Variants in CACNA2D4 observed in about 807,000 individuals in gnomAD.
The protein encoded by CACNA2D4 is calcium voltage-gated channel auxiliary subunit alpha2delta 4.
In CACNA2D4, 157 loss-of-function variants were observed where a neutral mutation model predicts 163.8. That is an observed-to-expected ratio of 0.96 (90% CI 0.84 to 1.09). The LOEUF is 1.09. Ranked by LOEUF, CACNA2D4 falls within the 50% of genes least tolerant of loss-of-function variation. The pLI is 0.00. For missense variants in CACNA2D4, 1,410 were observed against 1,479.9 expected, an observed-to-expected ratio of 0.95 and a Z score of 0.78; for synonymous variants, 598 against 586.9, an observed-to-expected ratio of 1.02 and a Z score of -0.27.
At chr12:1,881,779 TCTG>T (rs1281713805) in intron 13 of CACNA2D4, among the ~76,000 whole-genome samples, 1 of 152,272 alleles carries the variant, frequency 6.6e-6, no homozygotes, top group Non-Finnish European at 1.5e-5. Flanking sequence ...TCAGATGACA[TCTG>T]CTGAGCATGG....
chr12:1,809,167 C>T (rs141039632), intron 29 of CACNA2D4, among the ~76,000 whole-genome samples: 2 of 152,328 alleles, frequency 1.3e-5, no homozygotes, highest in African/African-American at 2.4e-5. Flanking sequence ...CTCCTTCCGA[C>T]ATCCCTGCTC....
intron 6 of CACNA2D4, among the ~76,000 whole-genome samples, chr12:1,902,172 G>C (rs888436826): frequency 6.8e-6 from 1 of 147,532 alleles, no homozygotes; most frequent in African/African-American, 2.6e-5. Context: ...TTTCTTCATG[G>C]TAAAACCCCT....
rs190717324 is a variant in CACNA2D4, at chr12:1,828,188, C to T, written c.2551+12551G>A. ...CAGCAGCCCTGGGCAGAGGGGCAGG[C>T]TCGCCCTGCAGTGGAGGCAAGTCTC... is the stretch of plus-strand genomic sequence containing the variant. On this transcript the variant is annotated intron_variant, in intron 26 of 37. Transcript: ENST00000382722. The surrounding 1 kb of genome is among the most constrained non-coding windows in gnomAD (Gnocchi z 4.2). The T allele has an allele frequency of 1.3e-3, 2,071 of 1,547,182 alleles. 3 individuals are homozygous for T. The highest frequency in any genetic ancestry group is 0.012 in the Middle Eastern group (70 of 5,762).
Position 1,907,430 on chromosome 12 carries a change from A to T in CACNA2D4, c.781+10T>A, listed in dbSNP as rs1179963482. ...CAGAAGGTCGGGGAGATGCAACTCC[A>T]TGTCCTTACCTGGATAGATCCTGAA... On this transcript the variant is annotated intron_variant, in intron 6 of 37. Transcript: ENST00000382722. The T allele has an allele frequency of 6.2e-7, 1 of 1,611,990 alleles. No homozygotes were observed. Among genetic ancestry groups the T allele is most frequent in the Admixed American group, 1.7e-5 (1 of 59,968 alleles).
intron 13 of CACNA2D4, among the ~76,000 whole-genome samples, chr12:1,882,152 TG>T (rs1866018659): frequency 6.6e-6 from 1 of 152,230 alleles, no homozygotes. Context: ...GCCACATGGC[TG>T]GGACAGCAAA....
intron 6 of CACNA2D4, among the ~76,000 whole-genome samples, chr12:1,894,378 C>G (rs754127570): frequency 6.6e-6 from 1 of 152,134 alleles, no homozygotes; most frequent in South Asian, 2.1e-4. Flanking sequence ...TTCCCTAACT[C>G]GTTCTGTGAG....
At chr12:1,805,068 G>A (rs1053155355) in intron 29 of CACNA2D4, among the ~76,000 whole-genome samples, 1 of 152,186 alleles carries the variant, frequency 6.6e-6, no homozygotes. Context: ...CCAAAGCATA[G>A]CACGATGCAG....
rs531952522 is a variant in CACNA2D4 at position 1,796,239 on chromosome 12, G to C, written c.3114-459C>G. ...CGGCGAGGCCGCCCTGCGAGGAGTGGCGCGGAGTGGGGCGGAGCCCGCCCG... is the reference window on the plus strand; with the variant it reads ...CGGCGAGGCCGCCCTGCGAGGAGTGCCGCGGAGTGGGGCGGAGCCCGCCCG... On this transcript the variant is annotated intron_variant, in intron 35 of 37. Transcript: ENST00000382722. 2.0e-3 allele frequency among the ~76,000 whole-genome samples: 299 copies of C among 152,308 alleles called. 1 individual carries two copies. Among genetic ancestry groups the C allele is most frequent in the Admixed American group, 6.7e-3 (103 of 15,310 alleles).
rs759415155 is a variant in CACNA2D4, at chr12:1,834,737, C to T, written c.2551+6002G>A. On this transcript the variant is annotated intron_variant, in intron 26 of 37. Coordinates refer to ENST00000382722, the MANE Select transcript of CACNA2D4 (RefSeq NM_172364.5). The surrounding 1 kb of genome is among the most constrained non-coding windows in gnomAD (Gnocchi z 7.6). ...TGTGGCCTGAGCGCCCATCCCCACC[C>T]GGCCAGGTAGGAAGGGCGGGGAGAG... 2.7e-5 allele frequency: 42 copies of T among 1,571,216 alleles called. No homozygotes were observed. Among genetic ancestry groups the T allele is most frequent in the Middle Eastern group, 1.7e-4 (1 of 5,898 alleles).
intron 18 of CACNA2D4, among the ~76,000 whole-genome samples, chr12:1,865,906 T>G (rs1865642743): frequency 6.6e-6 from 1 of 152,246 alleles, no homozygotes; most frequent in Non-Finnish European, 1.5e-5. Flanking sequence ...GTTCTAGTGT[T>G]TGTTTTGTAG....
intron 6 of CACNA2D4, among the ~76,000 whole-genome samples, chr12:1,900,391 T>C (rs1482425913): frequency 6.6e-6 from 1 of 152,208 alleles, no homozygotes; most frequent in Non-Finnish European, 1.5e-5. Flanking sequence ...TGACTTGACC[T>C]CCCAAAGTGC....
At chr12:1,811,823 G>T (rs1462167369) in intron 26 of CACNA2D4, 100 bp from the exon 27 acceptor site, 17 of 1,188,282 alleles carry the variant, frequency 1.4e-5, no homozygotes, top group Non-Finnish European at 2.1e-5. Context: ...AGGAACTGAG[G>T]AGAGAGACCG....
At chr12:1,839,004 C>T (rs746466094) in intron 26 of CACNA2D4, among the ~76,000 whole-genome samples, 18 of 152,212 alleles carry the variant, frequency 1.2e-4, no homozygotes, top group South Asian at 4.1e-4. Flanking sequence ...GGCTTCTACC[C>T]GGGCAATTTG....
intron 23 of CACNA2D4, among the ~76,000 whole-genome samples, chr12:1,853,493 C>A (rs1162172530): frequency 6.6e-6 from 1 of 152,088 alleles, no homozygotes; most frequent in Non-Finnish European, 1.5e-5. Flanking sequence ...CTCATTAATA[C>A]CTTACTCTGC....
At chr12:1,916,133 T>TCC (rs1866971023) in intron 1 of CACNA2D4, among the ~76,000 whole-genome samples, 1 of 152,120 alleles carries the variant, frequency 6.6e-6, no homozygotes, top group South Asian at 2.1e-4. Flanking sequence ...AAACGTGACT[T>TCC]CCGGGCTTCC....
intron 18 of CACNA2D4, among the ~76,000 whole-genome samples, chr12:1,862,858 T>C (rs964701495): frequency 3.9e-5 from 6 of 152,254 alleles, no homozygotes; most frequent in African/African-American, 1.4e-4. Flanking sequence ...GAGTTCTTTA[T>C]GTATTTTGGA....
intron 23 of CACNA2D4, among the ~76,000 whole-genome samples, chr12:1,849,882 T>C (rs1592709713): frequency 6.6e-6 from 1 of 152,370 alleles, no homozygotes. Context: ...GATGATTTCA[T>C]AGTGGCAGTA....
At position 1,849,762 on chromosome 12, in the gene CACNA2D4, C is replaced by T. The variant is rs558525722; in HGVS notation, c.2247-3073G>A. ...GTGTGTGTATGTGTACATACATATACGCATGTACATTTATATGTACCTTTG... is the reference window on the plus strand; with the variant it reads ...GTGTGTGTATGTGTACATACATATATGCATGTACATTTATATGTACCTTTG... On this transcript the variant is annotated intron_variant, in intron 23 of 37. Coordinates refer to ENST00000382722, the MANE Select transcript of CACNA2D4 (RefSeq NM_172364.5). Among the ~76,000 whole-genome samples, 212 of 152,134 alleles carry T rather than the reference C, an allele frequency of 1.4e-3. 3 individuals are homozygous for T. The highest frequency in any genetic ancestry group is 4.9e-3 in the African/African-American group (202 of 41,482).
intron 18 of CACNA2D4, among the ~76,000 whole-genome samples, chr12:1,865,146 G>T (rs1377619938): frequency 6.6e-6 from 1 of 152,236 alleles, no homozygotes; most frequent in Non-Finnish European, 1.5e-5. Flanking sequence ...GGGGAGAAGG[G>T]GCTCTCGGCG....
Sources: gnomAD v4.1 joint callset for allele counts (sites outside exome capture counted in the v4.1 genomes callset) on GRCh38, gnomAD v4.1.1 for gene constraint, Gnocchi (gnomAD v3.1) non-coding constraint, MANE v1.5 for transcripts, NCBI Gene and HGNC (gene_info 2026-07-23, HGNC 2026-07-21) for gene names.